RXFP2: variants seen among roughly 807,000 people sequenced by gnomAD.
RXFP2 encodes the protein relaxin family peptide receptor 2.
A neutral mutation model predicts 88.6 loss-of-function variants in RXFP2; 68 were observed. The observed-to-expected ratio is 0.77, with a 90% CI of 0.63 to 0.94. The LOEUF is 0.94. RXFP2 is among the 40% of genes least tolerant of loss of function. RXFP2 has a pLI of 0.00. For synonymous variants in RXFP2, 329 were observed against 306.8 expected (o/e 1.07, Z -0.76); for missense variants, 791 against 893.9 (o/e 0.88, Z 1.47).
rs748227549 is a variant in RXFP2, at chr13:31,739,628, G to A, written c.16G>A (p.Val6Ile). 6.2e-7 allele frequency: 1 copy of A among 1,601,716 alleles called. No individual in the cohort carries two copies. The highest frequency in any genetic ancestry group is 1.7e-5 in the Admixed American group (1 of 59,956). The change falls in exon 1 of 18, where the codon GTT becomes ATT. Residue 6 changes from valine to isoleucine, a missense_variant. Coordinates refer to ENST00000298386, the MANE Select transcript of RXFP2 (RefSeq NM_130806.5). ...CTGTAAACCTATGATTGTTTTTCTGGTTTTTAAACATCTCTTCAGCCTCAG... is the reference window on the plus strand; with the variant it reads ...CTGTAAACCTATGATTGTTTTTCTGATTTTTAAACATCTCTTCAGCCTCAG... Reference protein sequence around the residue: MIVFLVFKHLFSLRLI... With the variant: MIVFLIFKHLFSLRLI...
chr13:31,774,523 C>T, intron 5 of RXFP2, 97 bp from the exon 6 acceptor site: 1 of 770,786 alleles, frequency 1.3e-6, no homozygotes, highest in South Asian at 1.4e-5. Flanking sequence ...TTCAATTTCA[C>T]AATTGTCTTC....
chr13:31,797,852 A>G (rs1949727999), intron 17 of RXFP2, among the ~76,000 whole-genome samples: 1 of 152,158 alleles, frequency 6.6e-6, no homozygotes, highest in African/African-American at 2.4e-5. Flanking sequence ...TAGCCATAAA[A>G]TGTCATGCTG....
chr13:31,742,029 C>T (rs1871239815), intron 1 of RXFP2, among the ~76,000 whole-genome samples: 1 of 151,902 alleles, frequency 6.6e-6, no homozygotes, highest in Admixed American at 6.6e-5. Context: ...GATCTAAAAA[C>T]AGTATCTGTC....
rs189342932 is a variant in RXFP2 at position 31,781,611 on chromosome 13, T to A, written c.786-60T>A. 8.5e-4 allele frequency: 1,013 copies of A among 1,196,970 alleles called. 2 individuals carry two copies. Among genetic ancestry groups the A allele is most frequent in the Middle Eastern group, 6.4e-3 (28 of 4,342 alleles). 74.1% of individuals were successfully genotyped at this position (1,196,970 alleles called of 1,614,324 possible). Reference sequence around the variant, plus strand: ...AACTTGATAACCATTTTAAAAAGTATCTCTAAGCATATGATTTGTACAAAA... The same window carrying A: ...AACTTGATAACCATTTTAAAAAGTAACTCTAAGCATATGATTTGTACAAAA... On this transcript the variant is annotated intron_variant, in intron 9 of 17. Transcript: ENST00000298386.
chr13:31,786,661 T>A, intron 13 of RXFP2, 24 bp downstream of exon 13: 1 of 1,370,802 alleles, frequency 7.3e-7, no homozygotes, highest in Non-Finnish European at 1.0e-6. Context: ...TACAATTATA[T>A]TGATTATAAT....
chr13:31,769,346 G>C (rs937101832), intron 5 of RXFP2, among the ~76,000 whole-genome samples: 1 of 151,938 alleles, frequency 6.6e-6, no homozygotes, highest in Non-Finnish European at 1.5e-5. Context: ...ACCCCCAAGA[G>C]ACTGCTCAGA....
At chr13:31,768,265 A>G (rs1872622608) in intron 5 of RXFP2, among the ~76,000 whole-genome samples, 1 of 152,170 alleles carries the variant, frequency 6.6e-6, no homozygotes, top group South Asian at 2.1e-4. Context: ...AGGCAATTTA[A>G]TTTTCCCAGA....
At chr13:31,756,029 C>T (rs1322636450) in intron 1 of RXFP2, among the ~76,000 whole-genome samples, 3 of 152,126 alleles carry the variant, frequency 2.0e-5, no homozygotes, top group African/African-American at 7.2e-5. Context: ...TGCGGGATCT[C>T]CAGGGTCATC....
intron 11 of RXFP2, among the ~76,000 whole-genome samples, chr13:31,784,553 T>C (rs184045432): frequency 1.3e-5 from 2 of 152,186 alleles, no homozygotes; most frequent in East Asian, 3.9e-4. Context: ...TATTGCTTTA[T>C]TGTCAGGCTC....
rs181821637 is a variant in RXFP2, at chr13:31,772,069, T to A, written c.498-2551T>A. ...TCAGTTTATTCATTTTAATAATCTT[T>A]TAAAATGTCAGGCCTTTCTAAATTG... On this transcript the variant is annotated intron_variant, in intron 5 of 17. Coordinates refer to ENST00000298386, the MANE Select transcript of RXFP2 (RefSeq NM_130806.5). 7.9e-5 allele frequency among the ~76,000 whole-genome samples: 12 copies of A among 152,348 alleles called. No individual in the cohort carries two copies. The East Asian group carries it at 2.1e-3, about 27-fold the overall frequency.
intron 1 of RXFP2, among the ~76,000 whole-genome samples, chr13:31,740,224 A>C (rs1871176797): frequency 6.6e-6 from 1 of 152,074 alleles, no homozygotes; most frequent in Non-Finnish European, 1.5e-5. Context: ...ATACAAGTGC[A>C]TTTACTTAGA....
Position 31,778,526 on chromosome 13 carries a change from A to C in RXFP2, c.728A>C (p.Asn243Thr). Residue 243 changes from asparagine (N) to threonine (T), a missense_variant, in exon 9 of 18, where the codon AAC becomes ACC. By Grantham distance (65) the Asn-to-Thr change is moderately conservative. Transcript: ENST00000298386. ...TTTGTGTAAAGGTCTATGGTTAATA[A>C]CTACTTAGAAGCTCTTCCCAAGCAG... ...NSLFFLSMVN[N>T]YLEALPKQMC... 3 of 1,608,648 alleles carry C rather than the reference A, an allele frequency of 1.9e-6. No individual in the cohort carries two copies. The highest frequency in any genetic ancestry group is 2.6e-6 in the Non-Finnish European group (3 of 1,175,172).
Position 31,789,038 on chromosome 13 carries a change from C to G in RXFP2, c.1074-84C>G. 5 of 846,626 alleles carry G rather than the reference C, an allele frequency of 5.9e-6. No individual in the cohort carries two copies. In the Admixed American group the frequency reaches 8.8e-5, roughly 15 times the overall value. The allele number at this position is 846,626 out of a possible 1,614,324, so 52.4% of individuals were successfully genotyped here. A position where few individuals can be genotyped will look rare whatever the true frequency, so the allele number is the denominator to read the frequency against. ...GCATTGGTAACATAAGATCTTGAAG[C>G]ATTATATTTCGGATATGATGAAGAA... On this transcript the variant is annotated intron_variant, in intron 13 of 17. Transcript: ENST00000298386.
intron 17 of RXFP2, among the ~76,000 whole-genome samples, chr13:31,801,252 T>C (rs1874326891): frequency 6.6e-6 from 1 of 152,020 alleles, no homozygotes; most frequent in Non-Finnish European, 1.5e-5. Context: ...ATTGTGAAGA[T>C]GTGAGAGGAA....
chr13:31,741,291 A>G (rs957488199), intron 1 of RXFP2, among the ~76,000 whole-genome samples: 1 of 152,038 alleles, frequency 6.6e-6, no homozygotes, highest in East Asian at 1.9e-4. Flanking sequence ...AATCCTGGAA[A>G]TTTTTATTTT....
chr13:31,777,560 C>G, intron 8 of RXFP2, 113 bp downstream of exon 8: 2 of 737,858 alleles, frequency 2.7e-6, no homozygotes, highest in Admixed American at 4.4e-5. Flanking sequence ...TTTTATTAGT[C>G]AAAACTTCTC....
intron 3 of RXFP2, among the ~76,000 whole-genome samples, chr13:31,762,637 T>C (rs1872352856): frequency 6.6e-6 from 1 of 152,172 alleles, no homozygotes; most frequent in Non-Finnish European, 1.5e-5. Flanking sequence ...AGTATGTATA[T>C]GTAAATGTAT....
intron 8 of RXFP2, among the ~76,000 whole-genome samples, chr13:31,778,224 A>T (rs1873087382): frequency 6.6e-6 from 1 of 152,198 alleles, no homozygotes; most frequent in Admixed American, 6.5e-5. Flanking sequence ...CATGAACTTC[A>T]AAATTATTAC....
At position 31,803,121 on chromosome 13, in the gene RXFP2, G is replaced by C. The variant is rs1051488342; in HGVS notation, c.*716G>C. On this transcript the variant is annotated 3_prime_UTR_variant, in exon 18 of 18. Coordinates refer to ENST00000298386, the MANE Select transcript of RXFP2 (RefSeq NM_130806.5). ...AATTGGACACTTTCACTGCTAAAAA[G>C]TACACTTTAATATTCTTAAAGTATA... 1.3e-5 allele frequency: 2 copies of C among 152,252 alleles called. No individual in the cohort carries two copies. The highest frequency in any genetic ancestry group is 2.9e-5 in the Non-Finnish European group (2 of 68,098). The allele number at this position is 152,252 out of a possible 1,614,324, so 9.4% of individuals were successfully genotyped here.
Sources: allele counts gnomAD v4.1 joint callset (sites outside exome capture counted in the v4.1 genomes callset), GRCh38; gene constraint gnomAD v4.1.1; transcripts MANE v1.5; gene names NCBI Gene and HGNC (gene_info 2026-07-23, HGNC 2026-07-21).